Variants in ADCY1 observed in about 807,000 individuals in gnomAD.
ADCY1 encodes the protein adenylate cyclase type 1.
ADCY1 carries 28 observed loss-of-function variants against 105.4 expected under a neutral mutation model. That is an observed-to-expected ratio of 0.27 (90% CI 0.20 to 0.36). The LOEUF is 0.36. Ranked by LOEUF, ADCY1 falls within the 10% of genes least tolerant of loss-of-function variation. The pLI, the probability that ADCY1 is intolerant of heterozygous loss-of-function variation, is 1.00. For synonymous variants in ADCY1, 655 were observed against 623.8 expected, an observed-to-expected ratio of 1.05 and a Z score of -0.75; for missense variants, 977 against 1,434.2, an observed-to-expected ratio of 0.68 and a Z score of 5.15.
At chr7:45,631,222 C>T (rs1657743151) in intron 4 of ADCY1, among the ~76,000 whole-genome samples, 1 of 152,198 alleles carries the variant, frequency 6.6e-6, no homozygotes. Flanking sequence ...ATATGATAAA[C>T]TCATTTTAAA....
In ADCY1 at chr7:45,622,653, G is replaced by C; in HGVS notation, c.930G>C (p.Val310=). Residue 310 remains valine (V), a synonymous_variant, in exon 4 of 20, where the codon GTG becomes GTC. Transcript: ENST00000297323. The part of the protein sequence containing the change: ...DNVSILFADI[V]GFTGLASQCT... ...GCAGCATCCTGTTTGCTGACATCGT[G>C]GGTTTCACGGGCTTGGCATCCCAGT... is the stretch of plus-strand genomic sequence containing the variant. 1 of 1,613,190 alleles carries C rather than the reference G, an allele frequency of 6.2e-7. No homozygotes were observed. The highest frequency in any genetic ancestry group is 8.5e-7 in the Non-Finnish European group (1 of 1,179,842).
At chr7:45,592,111 CT>C (rs773390685) in intron 1 of ADCY1, among the ~76,000 whole-genome samples, 1 of 150,356 alleles carries the variant, frequency 6.7e-6, no homozygotes, top group Non-Finnish European at 1.5e-5. Flanking sequence ...TTTGTGCAGG[CT>C]TTGTGGGAAC....
Position 45,720,126 on chromosome 7 carries a change from T to G in ADCY1, c.*6131T>G, listed in dbSNP as rs1554334011. On this transcript the variant is annotated 3_prime_UTR_variant, in exon 20 of 20. Coordinates refer to ENST00000297323, the MANE Select transcript of ADCY1 (RefSeq NM_021116.4). ...CCCAGCTGAGTGTCTGTCAGCTTCA[T>G]TCTCTCTCAGCTGTGCAGTGGAAGA... The G allele has an allele frequency of 6.6e-6, 1 of 152,242 alleles. No individual in the cohort carries two copies. The highest frequency in any genetic ancestry group is 2.4e-5 in the African/African-American group (1 of 41,536). The allele number at this position is 152,242 out of a possible 1,614,324, so 9.4% of individuals were successfully genotyped here.
In ADCY1 at chr7:45,610,383, G is replaced by A. The variant is rs1379390780; in HGVS notation, c.794G>A (p.Arg265Gln). Reference sequence around the variant, plus strand: ...GGGCCCTTCTCTTCTGTCCAGGAGCGGCTCCTCATGAGCCTCCTGCCCCGG... The same window carrying A: ...GGGCCCTTCTCTTCTGTCCAGGAGCAGCTCCTCATGAGCCTCCTGCCCCGG... Reference protein sequence around the residue: ...RLEDENEKQERLLMSLLPRNV... With the variant: ...RLEDENEKQEQLLMSLLPRNV... Residue 265 changes from arginine (R) to glutamine (Q), a missense_variant, in exon 3 of 20, where the codon CGG becomes CAG. Arg to Gln is a conservative substitution (Grantham distance 43, BLOSUM62 1). This residue lies in a region of ADCY1 where 196 missense variants were observed against 347.8 expected (regional missense o/e 0.56). Transcript: ENST00000297323. 1.6e-5 allele frequency: 26 copies of A among 1,613,516 alleles called. No individual in the cohort carries two copies. The highest frequency in any genetic ancestry group is 2.2e-5 in the East Asian group (1 of 44,862).
chr7:45,702,819 G>A (rs905614039), intron 14 of ADCY1, among the ~76,000 whole-genome samples: 8 of 152,210 alleles, frequency 5.3e-5, no homozygotes, highest in Admixed American at 2.6e-4. Flanking sequence ...GCTGGAAGTC[G>A]GCACTCAGAT....
intron 14 of ADCY1, among the ~76,000 whole-genome samples, chr7:45,701,399 T>C (rs559441931): frequency 8.1e-4 from 124 of 152,322 alleles, no homozygotes; most frequent in Admixed American, 1.5e-3. Flanking sequence ...ATAAGCAGAA[T>C]GTAGACACAA....
intron 3 of ADCY1, among the ~76,000 whole-genome samples, chr7:45,621,812 C>T (rs929199337): frequency 6.6e-6 from 1 of 152,120 alleles, no homozygotes; most frequent in African/African-American, 2.4e-5. Flanking sequence ...ACACTTTGAA[C>T]AAATGTGAAT....
intron 4 of ADCY1, among the ~76,000 whole-genome samples, chr7:45,639,890 T>C (rs1794492365): frequency 6.6e-6 from 1 of 152,204 alleles, no homozygotes; most frequent in Non-Finnish European, 1.5e-5. Flanking sequence ...CTGAGCCAAC[T>C]GATGGCCTCT....
intron 8 of ADCY1, among the ~76,000 whole-genome samples, chr7:45,669,241 T>C (rs1584320070): frequency 1.3e-5 from 2 of 152,386 alleles, no homozygotes; most frequent in African/African-American, 2.4e-5. Context: ...ATTTTAGATC[T>C]TTCCTGCTTT....
At chr7:45,653,617 G>T (rs1370522358) in intron 5 of ADCY1, among the ~76,000 whole-genome samples, 1 of 152,326 alleles carries the variant, frequency 6.6e-6, no homozygotes, top group South Asian at 2.1e-4. Context: ...TCTCCTGCTG[G>T]TGAAGTCAGA....
intron 4 of ADCY1, among the ~76,000 whole-genome samples, chr7:45,631,529 C>T (rs539902679): frequency 2.0e-5 from 3 of 152,322 alleles, no homozygotes; most frequent in South Asian, 2.1e-4. Context: ...CATACTATAT[C>T]ACAAGTAAAT....
intron 3 of ADCY1, among the ~76,000 whole-genome samples, chr7:45,610,700 G>GGAGCTGTT (rs1793513559): frequency 6.7e-6 from 1 of 149,600 alleles, no homozygotes; most frequent in Non-Finnish European, 1.5e-5. Flanking sequence ...AGGTGATAGT[G>GGAGCTGTT]GAGGTGATGG....
At chr7:45,685,122 A>T (rs1376543110) in intron 12 of ADCY1, 54 bp downstream of exon 12, 9 of 1,512,846 alleles carry the variant, frequency 5.9e-6, no homozygotes, top group Non-Finnish European at 6.4e-6. Flanking sequence ...CATGGCATGG[A>T]GGACCAGCCC....
intron 2 of ADCY1, among the ~76,000 whole-genome samples, chr7:45,609,509 C>T (rs575851699): frequency 6.9e-4 from 105 of 152,322 alleles, no homozygotes; most frequent in African/African-American, 2.2e-3. Context: ...CCTGTTTCCG[C>T]GCTTGTCAGT....
At chr7:45,602,241 C>T (rs1383061931) in intron 2 of ADCY1, among the ~76,000 whole-genome samples, 1 of 151,672 alleles carries the variant, frequency 6.6e-6, no homozygotes, top group African/African-American at 2.4e-5. Flanking sequence ...TGGTGAAGAC[C>T]ACTTGGGGGC....
chr7:45,651,626 C>T lies in ADCY1; in HGVS notation c.1148+2829C>T, dbSNP rs532717654. Among the ~76,000 whole-genome samples, 22 of 152,320 alleles carry T rather than the reference C, an allele frequency of 1.4e-4. No individual in the cohort carries two copies. The South Asian group carries it at 2.3e-3, about 16-fold the overall frequency. The stretch of plus-strand genomic sequence containing the variant: ...TTTGCTCCCCGCCACTCCTCAGTAG[C>T]GAGGTCTGCACTCTCAACTGCATTT... On this transcript the variant is annotated intron_variant, in intron 5 of 19. Transcript: ENST00000297323.
intron 5 of ADCY1, among the ~76,000 whole-genome samples, chr7:45,649,699 G>T (rs1794758599): frequency 6.6e-6 from 1 of 152,328 alleles, no homozygotes; most frequent in Non-Finnish European, 1.5e-5. Flanking sequence ...CTGGAAGGAG[G>T]CGGTTGGGAG....
At chr7:45,698,146 CAA>C (rs1784922206) in intron 14 of ADCY1, among the ~76,000 whole-genome samples, 1 of 150,972 alleles carries the variant, frequency 6.6e-6, no homozygotes, top group Admixed American at 6.6e-5. Flanking sequence ...CATGCACACA[CAA>C]ACACACATAC....
At chr7:45,604,155 T>G (rs1380294866) in intron 2 of ADCY1, among the ~76,000 whole-genome samples, 1 of 152,218 alleles carries the variant, frequency 6.6e-6, no homozygotes, top group East Asian at 1.9e-4. Flanking sequence ...GGTTGTACCA[T>G]TTATGTACCC....
Sources: gnomAD v4.1 joint callset for allele counts (sites outside exome capture counted in the v4.1 genomes callset) on GRCh38, gnomAD v4.1.1 for gene constraint, gnomAD v4.1.1 regional missense constraint, MANE v1.5 for transcripts, NCBI Gene and HGNC (gene_info 2026-07-23, HGNC 2026-07-21) for gene names.